The following CSNK1D variants were observed in gnomAD, a reference collection of about 807,000 sequenced individuals.
CSNK1D encodes the protein casein kinase I isoform delta.
CSNK1D carries 16 observed loss-of-function variants against 46.6 expected under a neutral mutation model. The ratio of observed to expected loss-of-function variants is 0.34; its 90% CI spans 0.23 to 0.52. CSNK1D has a LOEUF of 0.52. CSNK1D is among the 20% of genes least tolerant of loss of function. The pLI, the probability that CSNK1D is intolerant of heterozygous loss-of-function variation, is 0.95. For missense variants in CSNK1D, 398 were observed against 578.4 expected (o/e 0.69, Z 3.20); for synonymous variants, 276 against 228.2 (o/e 1.21, Z -1.89).
At chr17:82,266,922 T>C (rs1258222741) in intron 1 of CSNK1D, 5 of 152,172 alleles carry the variant, frequency 3.3e-5, no homozygotes, top group Non-Finnish European at 5.9e-5. Flanking sequence ...TAGCTGGGCA[T>C]GGTGGTGGGT....
downstream of CSNK1D, among the ~76,000 whole-genome samples, chr17:82,242,159 TG>T (rs2050749097): frequency 7.2e-6 from 1 of 139,642 alleles, no homozygotes; most frequent in Non-Finnish European, 1.5e-5. Flanking sequence ...CTCCCTGCTC[TG>T]GCAGCCTGAC....
chr17:82,239,033 C>A (rs1343787055), downstream of CSNK1D: 5 of 1,469,144 alleles, frequency 3.4e-6, no homozygotes, highest in East Asian at 2.4e-5. Flanking sequence ...GCAACGCTTG[C>A]TATTTATTTT....
chr17:82,254,422 G>C (rs1168984890), intron 3 of CSNK1D: 1 of 258,190 alleles, frequency 3.9e-6, no homozygotes, highest in African/African-American at 3.0e-5. Context: ...CAGCTGAGCC[G>C]CCGGAGCCTC....
In CSNK1D at chr17:82,245,918, C is replaced by A. The variant is rs1184359781; in HGVS notation, c.1198-1087G>T. On this transcript the variant is annotated intron_variant, in intron 8 of 8. Coordinates refer to ENST00000314028, the MANE Select transcript of CSNK1D (RefSeq NM_001893.6). ...CACCTGCAAGCTCCCATGGGTGGGG[C>A]ATGGTGGCTCCCACCCACCTGGCGC... is the stretch of plus-strand genomic sequence containing the variant. 1.6e-5 allele frequency: 24 copies of A among 1,522,812 alleles called. No homozygotes were observed. The South Asian group carries it at 1.7e-4, about 11-fold the overall frequency. 94.3% of individuals were successfully genotyped at this position (1,522,812 alleles called of 1,614,324 possible).
At position 82,243,886 on chromosome 17, in the gene CSNK1D, C is replaced by A. The variant is rs2050785996; in HGVS notation, c.*895G>T. On this transcript the variant is annotated 3_prime_UTR_variant, in exon 9 of 9. Coordinates refer to ENST00000314028, the MANE Select transcript of CSNK1D (RefSeq NM_001893.6). ...AGAAACGCATCTTCCACCTTGAATCCTGGGACTCCCAATTGTCCTGCTAGG... is the reference window on the plus strand; with the variant it reads ...AGAAACGCATCTTCCACCTTGAATCATGGGACTCCCAATTGTCCTGCTAGG... The A allele has an allele frequency of 4.1e-6, 4 of 985,672 alleles. No individual in the cohort carries two copies. The highest frequency in any genetic ancestry group is 4.8e-6 in the Non-Finnish European group (4 of 830,086). 61.1% of individuals were successfully genotyped at this position (985,672 alleles called of 1,614,324 possible).
intron 8 of CSNK1D, chr17:82,246,862 CTG>C: frequency 1.0e-6 from 1 of 986,086 alleles, no homozygotes; most frequent in Non-Finnish European, 1.2e-6. Flanking sequence ...CCCACGGTGA[CTG>C]TGTCTCCAGC....
In CSNK1D at chr17:82,250,519, A is replaced by G. The variant is rs1414184642; in HGVS notation, c.885+860T>C. The G allele has an allele frequency of 2.0e-5, 5 of 246,890 alleles. No homozygotes were observed. Among genetic ancestry groups the G allele is most frequent in the African/African-American group, 1.1e-4 (5 of 43,672 alleles). 15.3% of individuals were successfully genotyped at this position (246,890 alleles called of 1,614,324 possible). On this transcript the variant is annotated intron_variant, in intron 6 of 8. Coordinates refer to ENST00000314028, the MANE Select transcript of CSNK1D (RefSeq NM_001893.6). The surrounding 1 kb of genome is among the most constrained non-coding windows in gnomAD (Gnocchi z 4.6). ...CCCTGCCGAGTGCACCCCTCCCGGC[A>G]CCTGGGCCCCGAGGCTCGGGCCTGC... is the stretch of plus-strand genomic sequence containing the variant.
chr17:82,249,048 C>T lies in CSNK1D; in HGVS notation c.1058-34G>A, dbSNP rs1001226605. 2 of 1,546,270 alleles carry T rather than the reference C, an allele frequency of 1.3e-6. No homozygotes were observed. The highest frequency in any genetic ancestry group is 2.4e-5 in the South Asian group (2 of 84,008). ...AGGGAGAGAAACGGAGTGGGCCGCC[C>T]CCGTCTGCTGCCTCTCACTCGGGGC... On this transcript the variant is annotated intron_variant, in intron 7 of 8. Transcript: ENST00000314028. This position sits in a 1 kb window ranked among gnomAD's most constrained non-coding sequence, Gnocchi z 6.7.
intron 2 of CSNK1D, among the ~76,000 whole-genome samples, chr17:82,262,901 C>T (rs1018776926): frequency 1.3e-5 from 2 of 152,342 alleles, no homozygotes; most frequent in East Asian, 1.9e-4. Flanking sequence ...CAGTATCTGA[C>T]GGGCGCGATG....
chr17:82,271,880 G>C (rs921928768), intron 1 of CSNK1D, among the ~76,000 whole-genome samples: 1 of 152,182 alleles, frequency 6.6e-6, no homozygotes, highest in Non-Finnish European at 1.5e-5. Flanking sequence ...AGGTGCCCCA[G>C]TTAAAACACA....
At chr17:82,242,420 G>C (rs1169533514), downstream of CSNK1D, among the ~76,000 whole-genome samples, 2 of 152,172 alleles carry the variant, frequency 1.3e-5, no homozygotes, top group Non-Finnish European at 2.9e-5. Context: ...CCGTCACACA[G>C]AAAGTGCGTG....
chr17:82,249,820 G>A lies in CSNK1D; in HGVS notation c.886-218C>T, dbSNP rs866420862. On this transcript the variant is annotated intron_variant, in intron 6 of 8. Coordinates refer to ENST00000314028, the MANE Select transcript of CSNK1D (RefSeq NM_001893.6). The surrounding 1 kb of genome is among the most constrained non-coding windows in gnomAD (Gnocchi z 6.7). ...AGGCCTCTCAGCTCCCCCAACAATC[G>A]AAAAAACCCCACTCGCCATGGCATC... 3.6e-5 allele frequency: 52 copies of A among 1,432,956 alleles called. 1 individual carries two copies. In the South Asian group the frequency reaches 6.1e-4, roughly 17 times the overall value. The allele number at this position is 1,432,956 out of a possible 1,614,324, so 88.8% of individuals were successfully genotyped here. A position where few individuals can be genotyped will look rare whatever the true frequency, so the allele number is the denominator to read the frequency against.
chr17:82,239,847 C>T (rs2050715521), downstream of CSNK1D: 1 of 488,692 alleles, frequency 2.0e-6, no homozygotes, highest in Non-Finnish European at 3.2e-6. Flanking sequence ...CAGGGCTGGT[C>T]TTTGCACCCT....
chr17:82,244,171 A>G lies in CSNK1D; in HGVS notation c.*610T>C. 5 of 1,007,632 alleles carry G rather than the reference A, an allele frequency of 5.0e-6. No homozygotes were observed. Among genetic ancestry groups the G allele is most frequent in the South Asian group, 3.9e-5 (1 of 25,340 alleles). 62.4% of individuals were successfully genotyped at this position (1,007,632 alleles called of 1,614,324 possible). The stretch of plus-strand genomic sequence containing the variant: ...ACACACCACGGACTTTTGATGAGAA[A>G]TCTCCTCTCCAAAGCGGACAATAAA... On this transcript the variant is annotated 3_prime_UTR_variant, in exon 9 of 9. Coordinates refer to ENST00000314028, the MANE Select transcript of CSNK1D (RefSeq NM_001893.6).
chr17:82,243,297 T>C lies in CSNK1D; in HGVS notation c.*1484A>G, dbSNP rs2050772852. ...GGTGCACACCTTCGAAGCCCTAGAG[T>C]CCAAAGGGAACATCGTCCATCGTGA... On this transcript the variant is annotated 3_prime_UTR_variant, in exon 9 of 9. Transcript: ENST00000314028. The C allele has an allele frequency of 2.0e-6, 2 of 984,944 alleles. No individual in the cohort carries two copies. The highest frequency in any genetic ancestry group is 1.2e-6 in the Non-Finnish European group (1 of 829,894). 61.0% of individuals were successfully genotyped at this position (984,944 alleles called of 1,614,324 possible).
chr17:82,251,608 CCTGCTG>C lies in CSNK1D; in HGVS notation c.737-87_737-82del. 7.2e-7 allele frequency: 1 copy of C among 1,392,822 alleles called. No individual in the cohort carries two copies. The highest frequency in any genetic ancestry group is 1.2e-5 in the South Asian group (1 of 83,848). 86.3% of individuals were successfully genotyped at this position (1,392,822 alleles called of 1,614,324 possible). ...TCTCTGCCAACGTCGCTGTCTACCT[CCTGCTG>C]CTGCACACTCAAGGGGAGAAGGACA... is the stretch of plus-strand genomic sequence containing the variant. On this transcript the variant is annotated intron_variant, in intron 5 of 8. Coordinates refer to ENST00000314028, the MANE Select transcript of CSNK1D (RefSeq NM_001893.6). The surrounding 1 kb of genome is among the most constrained non-coding windows in gnomAD (Gnocchi z 4.5).
Position 82,251,827 on chromosome 17 carries a change from G to GA in CSNK1D, c.737-301dup, listed in dbSNP as rs112553966. On this transcript the variant is annotated intron_variant, in intron 5 of 8. Transcript: ENST00000314028. The surrounding 1 kb of genome is among the most constrained non-coding windows in gnomAD (Gnocchi z 4.5). ...AACACAGTGAAACCCCATCTCTACT[G>GA]AAAAAAAAAAAAAAAAAGTTCTAGA... 32,217 of 260,556 alleles carry GA rather than the reference G, an allele frequency of 0.12. 567 individuals are homozygous for GA. The highest frequency in any genetic ancestry group is 0.2 in the African/African-American group (7,449 of 37,588). 16.1% of individuals were successfully genotyped at this position (260,556 alleles called of 1,614,324 possible).
rs73366242 is a variant in CSNK1D at position 82,253,665 on chromosome 17, G to A, written c.337-421C>T. On this transcript the variant is annotated intron_variant, in intron 3 of 8. Coordinates refer to ENST00000314028, the MANE Select transcript of CSNK1D (RefSeq NM_001893.6). The stretch of plus-strand genomic sequence containing the variant: ...AATGGAAACGTGCTATGCTGGTACC[G>A]AGAAGGTGGCCTCCAAGCCAGTGAG... The A allele has an allele frequency of 6.3e-3, 2,215 of 349,744 alleles. 49 individuals carry two copies. The highest frequency in any genetic ancestry group is 0.041 in the African/African-American group (1,926 of 46,710). The allele number at this position is 349,744 out of a possible 1,614,324, so 21.7% of individuals were successfully genotyped here. A position where few individuals can be genotyped will look rare whatever the true frequency, so the allele number is the denominator to read the frequency against.
chr17:82,245,479 G>A, intron 8 of CSNK1D: 1 of 212,496 alleles, frequency 4.7e-6, no homozygotes, highest in South Asian at 6.9e-5. Context: ...GACAGGAAGA[G>A]AGAGGCGACT....
Sources: allele counts gnomAD v4.1 joint callset (sites outside exome capture counted in the v4.1 genomes callset), GRCh38; gene constraint gnomAD v4.1.1; non-coding constraint Gnocchi (gnomAD v3.1); transcripts MANE v1.5; gene names NCBI Gene and HGNC (gene_info 2026-07-23, HGNC 2026-07-21).